ZNF490: variants seen among roughly 807,000 people sequenced by gnomAD.
ZNF490 encodes zinc finger protein 490.
A neutral mutation model predicts 17.7 loss-of-function variants in ZNF490; 11 were observed. That is an observed-to-expected ratio of 0.62 (90% confidence interval 0.39 to 1.03). The LOEUF (loss-of-function observed/expected upper bound fraction) is 1.03. ZNF490 is among the 50% of genes least tolerant of loss of function. The pLI, the probability that ZNF490 is intolerant of heterozygous loss-of-function variation, is 0.00. For missense variants in ZNF490, 542 were observed against 643.4 expected (o/e 0.84, Z 1.71); for synonymous variants, 222 against 216.1 (o/e 1.03, Z -0.24).
intron 2 of ZNF490, among the ~76,000 whole-genome samples, chr19:12,601,855 T>C (rs947846897): frequency 1.3e-5 from 2 of 151,044 alleles, no homozygotes; most frequent in African/African-American, 4.9e-5. Context: ...TTAGCCGGGC[T>C]TGGTGGCAGG....
chr19:12,598,927 C>A (rs1295624769), intron 2 of ZNF490, among the ~76,000 whole-genome samples: 1 of 149,866 alleles, frequency 6.7e-6, no homozygotes, highest in African/African-American at 2.4e-5. Flanking sequence ...GCAGAGGTTG[C>A]GGTGAGCCGA....
intron 2 of ZNF490, among the ~76,000 whole-genome samples, chr19:12,600,168 C>T (rs1386339406): frequency 6.6e-6 from 1 of 151,964 alleles, no homozygotes; most frequent in African/African-American, 2.4e-5. Flanking sequence ...CGAGACCATC[C>T]TGGCTAACAT....
At chr19:12,596,713 A>G (rs1185086423) in intron 2 of ZNF490, among the ~76,000 whole-genome samples, 1 of 152,142 alleles carries the variant, frequency 6.6e-6, no homozygotes, top group African/African-American at 2.4e-5. Flanking sequence ...ACAGTGGGTC[A>G]GTGCCTGGTG....
rs201140299 is a variant in ZNF490, at chr19:12,583,473, G to A, written c.246C>T (p.Tyr82=). ...ALLDPGQRNI[Y]RDVMRATFKN... is the part of the protein sequence containing the mutation. Reference sequence around the variant, plus strand: ...TGAAGGTTGCCCGCATCACATCTCTGTAGATATTCCTCTGGCCAGGATCCA... The same window carrying A: ...TGAAGGTTGCCCGCATCACATCTCTATAGATATTCCTCTGGCCAGGATCCA... The change falls in exon 3 of 5, where the codon TAC becomes TAT. Residue 82 remains tyrosine (Y), a synonymous_variant. Transcript: ENST00000311437. 1.1e-5 allele frequency: 17 copies of A among 1,606,916 alleles called. No individual in the cohort carries two copies. The highest frequency in any genetic ancestry group is 4.0e-5 in the African/African-American group (3 of 74,584).
intron 2 of ZNF490, among the ~76,000 whole-genome samples, chr19:12,593,713 G>A (rs752152591): frequency 6.6e-6 from 1 of 152,096 alleles, no homozygotes; most frequent in Non-Finnish European, 1.5e-5. Context: ...TTCAATTAAG[G>A]GATAAAAAGC....
chr19:12,588,028 C>A (rs2022821678), intron 2 of ZNF490, among the ~76,000 whole-genome samples: 1 of 94,732 alleles, frequency 1.1e-5, no homozygotes, highest in East Asian at 2.0e-4. Flanking sequence ...TGCCACCACG[C>A]CTGGCTAATT....
At chr19:12,600,147 G>A (rs1020388444) in intron 2 of ZNF490, among the ~76,000 whole-genome samples, 2 of 152,044 alleles carry the variant, frequency 1.3e-5, no homozygotes, top group Non-Finnish European at 2.9e-5. Context: ...CAGATCACGA[G>A]GTTAGGAGAT....
intron 2 of ZNF490, among the ~76,000 whole-genome samples, chr19:12,592,730 T>A (rs190474241): frequency 6.6e-6 from 1 of 152,322 alleles, no homozygotes; most frequent in African/African-American, 2.4e-5. Flanking sequence ...GGCATCAATA[T>A]TGGTACATCA....
chr19:12,597,190 A>AT (rs1438511855), intron 2 of ZNF490: 2 of 458,282 alleles, frequency 4.4e-6, no homozygotes, highest in Admixed American at 4.7e-5. Context: ...CTCCCTACGG[A>AT]TCCCTCACTA....
chr19:12,602,194 TATTTGATATGAAAATTTTGCTGCTACTGG>T (rs1353194483), intron 2 of ZNF490, among the ~76,000 whole-genome samples: 1 of 151,828 alleles, frequency 6.6e-6, no homozygotes, highest in African/African-American at 2.4e-5. Context: ...TTGCCTCATG[TATTTGATATGAAAATTTTGCTGCTACTGG>T]AGACTGGGTG....
At chr19:12,592,398 TAA>T (rs112821958) in intron 2 of ZNF490, among the ~76,000 whole-genome samples, 13 of 140,080 alleles carry the variant, frequency 9.3e-5, no homozygotes, top group Non-Finnish European at 9.4e-5. Context: ...CATCTCAATT[TAA>T]AAAAAAAAAA....
chr19:12,584,022 A>G (rs905334108), intron 2 of ZNF490, among the ~76,000 whole-genome samples: 3 of 149,328 alleles, frequency 2.0e-5, no homozygotes, highest in East Asian at 2.0e-4. Flanking sequence ...GTGTTAGCCA[A>G]GATGGTTTCC....
Position 12,578,717 on chromosome 19 carries a change from G to A in ZNF490, c.*1768C>T. The A allele has an allele frequency of 1.0e-6, 1 of 985,410 alleles. No homozygotes were observed. The highest frequency in any genetic ancestry group is 1.2e-6 in the Non-Finnish European group (1 of 829,936). The allele number at this position is 985,410 out of a possible 1,614,324, so 61.0% of individuals were successfully genotyped here. On this transcript the variant is annotated 3_prime_UTR_variant, in exon 5 of 5. Transcript: ENST00000311437. ...ATGGAAACTTAAAAGGCAGATTCTGGGAGTCTTCTCACTTCTCTCCAGTCA... is the reference window on the plus strand; with the variant it reads ...ATGGAAACTTAAAAGGCAGATTCTGAGAGTCTTCTCACTTCTCTCCAGTCA...
intron 2 of ZNF490, among the ~76,000 whole-genome samples, chr19:12,599,139 C>CAAAAAAAAAAAAAAAAAAAAAGAA (rs2022971371): frequency 5.8e-5 from 4 of 68,630 alleles, no homozygotes; most frequent in African/African-American, 1.3e-4. Context: ...GACTCTGTCT[C>CAAAAAAAAAAAAAAAAAAAAAGAA]AAAAAAAAAA....
chr19:12,604,137 G>A (rs1264667038), intron 2 of ZNF490, among the ~76,000 whole-genome samples: 1 of 152,228 alleles, frequency 6.6e-6, no homozygotes, highest in Admixed American at 6.5e-5. Context: ...ACACGGCTCA[G>A]AGAGCCTTCT....
chr19:12,578,161 G>A lies in ZNF490; in HGVS notation c.*2324C>T. On this transcript the variant is annotated 3_prime_UTR_variant, in exon 5 of 5. Transcript: ENST00000311437. ...AAACCAGTCCTGGAGCAGGATGCAT[G>A]TGACATGCACTGACGTGAGAAGGCC... The A allele has an allele frequency of 1.0e-6, 1 of 985,518 alleles. No homozygotes were observed. Among genetic ancestry groups the A allele is most frequent in the Non-Finnish European group, 1.2e-6 (1 of 830,012 alleles). The allele number at this position is 985,518 out of a possible 1,614,324, so 61.0% of individuals were successfully genotyped here.
chr19:12,580,986 T>C lies in ZNF490; in HGVS notation c.1089A>G (p.Thr363=), dbSNP rs376962945. Residue 363 remains threonine, a synonymous_variant, in exon 5 of 5, where the codon ACA becomes ACG. Transcript: ENST00000311437. ...VKTHTGVQPY[T]CKKCGEAFKS... is the part of the protein sequence containing the mutation. ...TGAAGGCTTCCCCACATTTCTTACATGTATAAGGTTGAACTCCGGTGTGGG... is the reference window on the plus strand; with the variant it reads ...TGAAGGCTTCCCCACATTTCTTACACGTATAAGGTTGAACTCCGGTGTGGG... The C allele has an allele frequency of 2.5e-6, 4 of 1,614,150 alleles. No homozygotes were observed. Among genetic ancestry groups the C allele is most frequent in the South Asian group, 2.2e-5 (2 of 91,086 alleles).
intron 2 of ZNF490, among the ~76,000 whole-genome samples, chr19:12,597,472 T>C (rs973760160): frequency 6.6e-6 from 1 of 152,166 alleles, no homozygotes; most frequent in African/African-American, 2.4e-5. Context: ...TAAGAGGAAT[T>C]TGTTCTTTGC....
chr19:12,590,566 A>G (rs2022858455), intron 2 of ZNF490, among the ~76,000 whole-genome samples: 1 of 152,146 alleles, frequency 6.6e-6, no homozygotes, highest in South Asian at 2.1e-4. Context: ...TGAAACTAAG[A>G]AAAAGAAAAA....
Sources: gnomAD v4.1 joint callset for allele counts (sites outside exome capture counted in the v4.1 genomes callset) on GRCh38, gnomAD v4.1.1 for gene constraint, MANE v1.5 for transcripts, NCBI Gene and HGNC (gene_info 2026-07-23, HGNC 2026-07-21) for gene names.